DZIP3: variants seen among roughly 807,000 people sequenced by gnomAD.
The protein encoded by DZIP3 is DAZ interacting zinc finger protein 3, also known as E3 ubiquitin-protein ligase DZIP3.
A neutral mutation model predicts 162.0 loss-of-function variants in DZIP3; 118 were observed. The ratio of observed to expected loss-of-function variants is 0.73; its 90% CI spans 0.63 to 0.85. The LOEUF is 0.85. DZIP3 is among the 40% of genes least tolerant of loss of function. The pLI is 0.00. For synonymous variants in DZIP3, 438 were observed against 458.6 expected (o/e 0.96, Z 0.57); for missense variants, 1,331 against 1,407.0 (o/e 0.95, Z 0.86).
intron 31 of DZIP3, among the ~76,000 whole-genome samples, chr3:108,689,891 G>T (rs1259236627): frequency 6.6e-6 from 1 of 152,168 alleles, no homozygotes; most frequent in Non-Finnish European, 1.5e-5. Context: ...ATAATAGCCA[G>T]TTCAGTCAAG....
Position 108,646,604 on chromosome 3 carries a change from T to G in DZIP3, c.1760-13T>G. The G allele has an allele frequency of 6.3e-7, 1 of 1,575,446 alleles. No homozygotes were observed. Among genetic ancestry groups the G allele is most frequent in the East Asian group, 2.3e-5 (1 of 43,692 alleles). ...GCAATTGTACATCTAAAATTTTTCT[T>G]TATGTATTATAGGAATTGCTCTACA... On this transcript the variant is annotated splice_polypyrimidine_tract_variant and intron_variant, in intron 14 of 32. Coordinates refer to ENST00000361582, the MANE Select transcript of DZIP3 (RefSeq NM_014648.4).
Position 108,601,949 on chromosome 3 carries a change from G to A in DZIP3, c.-72-3386G>A, listed in dbSNP as rs114769010. ...TAAACCCCTAGTTTTAGTCAGTCAG[G>A]GAGATAGATTTGAGATTGAGCTTCA... On this transcript the variant is annotated intron_variant, in intron 1 of 32. Coordinates refer to ENST00000361582, the MANE Select transcript of DZIP3 (RefSeq NM_014648.4). Among the ~76,000 whole-genome samples, 1,335 of 152,182 alleles carry A rather than the reference G, an allele frequency of 8.8e-3. 16 individuals carry two copies. The highest frequency in any genetic ancestry group is 0.015 in the Non-Finnish European group (1,043 of 68,002).
At chr3:108,679,805 A>AT (rs1241912723) in intron 26 of DZIP3, among the ~76,000 whole-genome samples, 2 of 152,066 alleles carry the variant, frequency 1.3e-5, no homozygotes, top group African/African-American at 2.4e-5. Context: ...TATTTCTGGG[A>AT]TACTAGTGTT....
At chr3:108,620,319 C>T (rs1184123022) in intron 5 of DZIP3, among the ~76,000 whole-genome samples, 1 of 152,144 alleles carries the variant, frequency 6.6e-6, no homozygotes, top group Middle Eastern at 3.2e-3. Flanking sequence ...AAGAAAATCC[C>T]AGGTGCTCAG....
intron 15 of DZIP3, 83 bp from the exon 16 acceptor site, chr3:108,647,859 CT>C: frequency 1.7e-6 from 2 of 1,153,548 alleles, no homozygotes; most frequent in South Asian, 1.8e-5. Context: ...GTGAATGTTG[CT>C]TTTTTGGGCA....
chr3:108,644,529 C>G lies in DZIP3; in HGVS notation c.1507C>G (p.Leu503Val). 6.2e-7 allele frequency: 1 copy of G among 1,614,098 alleles called. No individual in the cohort carries two copies. Among genetic ancestry groups the G allele is most frequent in the Non-Finnish European group, 8.5e-7 (1 of 1,179,966 alleles). The change falls in exon 14 of 33, where the codon CTG (leucine) becomes GTG (valine). Residue 503 changes from leucine to valine, a missense_variant. Transcript: ENST00000361582. The part of the protein sequence containing the change: ...SSDISKSADI[L>V]RLCKYRDILL... Reference sequence around the variant, plus strand: ...TGACATCTCTAAATCTGCAGACATCCTGAGACTGTGCAAATACAGGGATAT... The same window carrying G: ...TGACATCTCTAAATCTGCAGACATCGTGAGACTGTGCAAATACAGGGATAT...
intron 17 of DZIP3, among the ~76,000 whole-genome samples, chr3:108,650,638 T>G (rs2107226132): frequency 6.6e-6 from 1 of 151,908 alleles, no homozygotes; most frequent in Non-Finnish European, 1.5e-5. Flanking sequence ...TTCTTAACAC[T>G]TCTTTTTCTG....
At chr3:108,612,534 T>G (rs986998889) in intron 4 of DZIP3, among the ~76,000 whole-genome samples, 1 of 152,126 alleles carries the variant, frequency 6.6e-6, no homozygotes, top group Non-Finnish European at 1.5e-5. Flanking sequence ...AATAGTACAG[T>G]CATCTTTTGG....
At chr3:108,647,516 C>A (rs566747953) in intron 15 of DZIP3, among the ~76,000 whole-genome samples, 1 of 152,212 alleles carries the variant, frequency 6.6e-6, no homozygotes, top group East Asian at 1.9e-4. Context: ...TAATAGGGGG[C>A]TCACACCCCT....
At position 108,647,280 on chromosome 3, in the gene DZIP3, T is replaced by C. The variant is rs560818467; in HGVS notation, c.1792+631T>C. 1.3e-3 allele frequency among the ~76,000 whole-genome samples: 194 copies of C among 152,342 alleles called. 1 individual carries two copies. In the Middle Eastern group the frequency reaches 0.014, roughly 11 times the overall value. On this transcript the variant is annotated intron_variant, in intron 15 of 32. Coordinates refer to ENST00000361582, the MANE Select transcript of DZIP3 (RefSeq NM_014648.4). ...CTATTGTTTATAGCTATATACTTTT[T>C]TTGCCAGGTGATAAGTTGTAATTGT...
chr3:108,677,703 A>C, intron 26 of DZIP3, 105 bp downstream of exon 26: 1 of 985,846 alleles, frequency 1.0e-6, no homozygotes, highest in Non-Finnish European at 1.6e-6. Context: ...TTCAAAATGG[A>C]ATAGGCACAT....
At chr3:108,604,147 G>A (rs1940189528) in intron 1 of DZIP3, among the ~76,000 whole-genome samples, 1 of 152,164 alleles carries the variant, frequency 6.6e-6, no homozygotes, top group Non-Finnish European at 1.5e-5. Flanking sequence ...TAGCTAGAAA[G>A]GCTGTACCAA....
chr3:108,629,271 C>G, intron 8 of DZIP3, 95 bp downstream of exon 8: 1 of 825,450 alleles, frequency 1.2e-6, no homozygotes, highest in East Asian at 2.8e-5. Flanking sequence ...TTTATTGGCA[C>G]ATAACTTTTT....
Position 108,644,369 on chromosome 3 carries a change from G to A in DZIP3, c.1347G>A (p.Trp449Ter), listed in dbSNP as rs765800447. The A allele has an allele frequency of 6.2e-7, 1 of 1,613,922 alleles. No individual in the cohort carries two copies. Among genetic ancestry groups the A allele is most frequent in the African/African-American group, 1.3e-5 (1 of 74,892 alleles). The change falls in exon 14 of 33, where the codon TGG becomes TGA. Residue 449 changes from tryptophan (W) to a stop codon, truncating the protein, a stop_gained. Transcript: ENST00000361582. LOFTEE classifies it high-confidence loss of function. ...LWTNHPLGGS[W>*]HLLYPPNKEL... ...CCAATCATCCTTTGGGTGGATCATG[G>A]CATCTGCTTTATCCTCCTAACAAGG...
intron 5 of DZIP3, among the ~76,000 whole-genome samples, chr3:108,619,221 T>A (rs1941193906): frequency 6.6e-6 from 1 of 151,992 alleles, no homozygotes; most frequent in African/African-American, 2.4e-5. Context: ...ATAGAGCTTA[T>A]GAGCAGAGGA....
intron 5 of DZIP3, among the ~76,000 whole-genome samples, chr3:108,620,364 A>C (rs562191401): frequency 6.1e-4 from 93 of 152,324 alleles, no homozygotes; most frequent in African/African-American, 1.6e-3. Context: ...TAGTCTAGAC[A>C]TAGCAAGGCA....
In DZIP3 at chr3:108,675,781, A is replaced by C. The variant is rs750836546; in HGVS notation, c.2694-5A>C. ...TTTTCTTTTGTGTCTCCTTTTCTACAACAGCAACCTAGAATCACTTCAATT... is the reference window on the plus strand; with the variant it reads ...TTTTCTTTTGTGTCTCCTTTTCTACCACAGCAACCTAGAATCACTTCAATT... On this transcript the variant is annotated splice_polypyrimidine_tract_variant and splice_region_variant and intron_variant, in intron 24 of 32. Transcript: ENST00000361582. The C allele has an allele frequency of 2.5e-6, 4 of 1,592,548 alleles. No homozygotes were observed. Among genetic ancestry groups the C allele is most frequent in the Non-Finnish European group, 3.4e-6 (4 of 1,173,458 alleles).
chr3:108,684,340 T>C lies in DZIP3; in HGVS notation c.3008T>C (p.Leu1003Pro). The C allele has an allele frequency of 6.2e-7, 1 of 1,607,834 alleles. No homozygotes were observed. The highest frequency in any genetic ancestry group is 2.2e-5 in the East Asian group (1 of 44,746). Reference protein sequence around the residue: ...VSATGQPRAPLMTGIAWALPA... With the variant: ...VSATGQPRAPPMTGIAWALPA... ...GCAACTGGCCAACCTAGAGCCCCCCTGGTAAAAGCTTTCTTGGTGGAATAG... is the reference window on the plus strand; with the variant it reads ...GCAACTGGCCAACCTAGAGCCCCCCCGGTAAAAGCTTTCTTGGTGGAATAG... The change falls in exon 27 of 33, where the codon CTG becomes CCG. Residue 1003 changes from leucine (L) to proline (P), a missense_variant and splice_region_variant. Leu to Pro is a moderately conservative substitution (Grantham distance 98, BLOSUM62 -3). Coordinates refer to ENST00000361582, the MANE Select transcript of DZIP3 (RefSeq NM_014648.4).
At chr3:108,657,655 T>C (rs191790261) in intron 19 of DZIP3, among the ~76,000 whole-genome samples, 2,462 of 152,312 alleles carry the variant, frequency 0.016, 40 homozygotes, top group Admixed American at 0.031. Flanking sequence ...ACCTTAAATG[T>C]AAATGGGTTA....
Sources: gnomAD v4.1 joint callset for allele counts (sites outside exome capture counted in the v4.1 genomes callset) on GRCh38, gnomAD v4.1.1 for gene constraint, MANE v1.5 for transcripts, NCBI Gene and HGNC (gene_info 2026-07-23, HGNC 2026-07-21) for gene names.